G6PC1: variants seen among roughly 807,000 people sequenced by gnomAD.
G6PC1 encodes the protein glucose-6-phosphatase catalytic subunit 1.
Under a neutral mutation model 30.4 loss-of-function variants are expected in G6PC1, and 23 were observed. The observed-to-expected ratio is 0.76, with a 90% CI of 0.55 to 1.07. G6PC1 has a LOEUF of 1.07. Among genes scored for constraint, G6PC1 ranks in the 50% least tolerant of loss-of-function variants. The probability of loss-of-function intolerance (pLI) is 0.00; values close to 1 mark genes in which losing one functional copy is unlikely to be tolerated. For synonymous variants in G6PC1, 163 were observed against 175.6 expected, an observed-to-expected ratio of 0.93 and a Z score of 0.57; for missense variants, 391 against 433.9, an observed-to-expected ratio of 0.90 and a Z score of 0.88.
intron 4 of G6PC1, 152 bp from the exon 5 acceptor site, chr17:42,910,763 T>C: frequency 8.1e-6 from 6 of 737,736 alleles, no homozygotes; most frequent in South Asian, 7.7e-5. Context: ...GAGTCACACA[T>C]GGGAATAAGC....
In G6PC1 at chr17:42,911,282, C is replaced by T. The variant is rs1454392916; in HGVS notation, c.930C>T (p.Asp310=). 1 of 1,614,222 alleles carries T rather than the reference C, an allele frequency of 6.2e-7. No homozygotes were observed. The change falls in exon 5 of 5, where the codon GAC becomes GAT. Residue 310 remains aspartate (D), a synonymous_variant. Transcript: ENST00000253801. ...VASLVLLHVF[D]SLKPPSQVEL... ...CCCTCGTCCTCCTGCACGTCTTTGA[C>T]TCCTTGAAACCCCCATCCCAAGTCG...
intron 1 of G6PC1, among the ~76,000 whole-genome samples, chr17:42,901,543 GCGAAA>G (rs1434386694): frequency 2.0e-5 from 3 of 151,978 alleles, no homozygotes; most frequent in African/African-American, 7.3e-5. Flanking sequence ...GGGCAACATG[GCGAAA>G]CTCCATCTCT....
intron 3 of G6PC1, among the ~76,000 whole-genome samples, chr17:42,908,443 G>T (rs1447062105): frequency 4.2e-5 from 6 of 143,600 alleles, no homozygotes; most frequent in African/African-American, 1.6e-4. Context: ...ATCTCGCTCT[G>T]TTGCCCAGGC....
At chr17:42,910,852 C>T in intron 4 of G6PC1, 63 bp from the exon 5 acceptor site, 2 of 1,542,914 alleles carry the variant, frequency 1.3e-6, no homozygotes, top group Non-Finnish European at 1.8e-6. Flanking sequence ...CTCCTCCAAA[C>T]CCACCTCTAG....
At chr17:42,910,642 G>A (rs747739933) in intron 4 of G6PC1, among the ~76,000 whole-genome samples, 5 of 152,118 alleles carry the variant, frequency 3.3e-5, no homozygotes, top group Non-Finnish European at 7.4e-5. Flanking sequence ...TACCTCTGAG[G>A]GTATTTCAAG....
rs779105509 is a variant in G6PC1 at position 42,911,369 on chromosome 17, TGTC to T, written c.1018_1020del (p.Val340del). On this transcript the variant is annotated inframe_deletion, in exon 5 of 5. Coordinates refer to ENST00000253801, the MANE Select transcript of G6PC1 (RefSeq NM_000151.4). The stretch of plus-strand genomic sequence containing the variant: ...CGGTAGTGCCCCTGGCATCCGTCAG[TGTC>T]ATCCCCTACTGCCTCGCCCAGGTCC... 1.9e-6 allele frequency: 3 copies of T among 1,614,068 alleles called. No homozygotes were observed. The Admixed American group carries it at 5.0e-5, about 27-fold the overall frequency.
intron 2 of G6PC1, among the ~76,000 whole-genome samples, chr17:42,905,415 G>GAAAAA (rs1241281428): frequency 2.0e-5 from 1 of 48,934 alleles, no homozygotes; most frequent in African/African-American, 8.8e-5. Flanking sequence ...GACACCATCT[G>GAAAAA]AAAAAAAAAA....
chr17:42,903,655 G>A (rs2056040932), intron 1 of G6PC1, among the ~76,000 whole-genome samples: 2 of 151,900 alleles, frequency 1.3e-5, no homozygotes, highest in South Asian at 4.2e-4. Flanking sequence ...ACAATGAGCC[G>A]AGATTGCGCC....
rs1597992912 is a variant in G6PC1, at chr17:42,914,000, G to C, written c.*2574G>C. Among the ~76,000 whole-genome samples the C allele has an allele frequency of 1.3e-5, 2 of 152,282 alleles. No individual in the cohort carries two copies. Among genetic ancestry groups the C allele is most frequent in the East Asian group, 3.9e-4 (2 of 5,192 alleles). ...CTCCGGAGTCTGTATATTCAGGGAA[G>C]ATTGCATTCTCCTACTGGATTTGGG... On this transcript the variant is annotated 3_prime_UTR_variant, in exon 5 of 5. Coordinates refer to ENST00000253801, the MANE Select transcript of G6PC1 (RefSeq NM_000151.4).
intron 3 of G6PC1, 55 bp downstream of exon 3, chr17:42,907,683 G>C (rs527336983): frequency 2.5e-6 from 3 of 1,203,164 alleles, no homozygotes; most frequent in Non-Finnish European, 3.7e-6. Context: ...AGCTCTCTCT[G>C]TAGCTGACAC....
Position 42,913,771 on chromosome 17 carries a change from G to T in G6PC1, c.*2345G>T, listed in dbSNP as rs2056110606. ...GCCAGCTCTGGAATCCAGTAACTCAGTGTCAGCAAGGTTTTGGGTTATAGT... is the reference window on the plus strand; with the variant it reads ...GCCAGCTCTGGAATCCAGTAACTCATTGTCAGCAAGGTTTTGGGTTATAGT... On this transcript the variant is annotated 3_prime_UTR_variant, in exon 5 of 5. Coordinates refer to ENST00000253801, the MANE Select transcript of G6PC1 (RefSeq NM_000151.4). 6.6e-6 allele frequency among the ~76,000 whole-genome samples: 1 copy of T among 152,204 alleles called. No homozygotes were observed. Among genetic ancestry groups the T allele is most frequent in the South Asian group, 2.1e-4 (1 of 4,836 alleles).
Position 42,913,665 on chromosome 17 carries a change from G to A in G6PC1, c.*2239G>A, listed in dbSNP as rs1322893137. ...ATGAGTTGCTCTATGGCATCAAATT[G>A]CAACTTGAGAGTAGATGGGCAGGGT... On this transcript the variant is annotated 3_prime_UTR_variant, in exon 5 of 5. Transcript: ENST00000253801. 6.6e-6 allele frequency among the ~76,000 whole-genome samples: 1 copy of A among 152,166 alleles called. No homozygotes were observed. The highest frequency in any genetic ancestry group is 1.5e-5 in the Non-Finnish European group (1 of 68,044).
In G6PC1 at chr17:42,902,886, G is replaced by C. The variant is rs576029247; in HGVS notation, c.231-1045G>C. ...GGAAATGCAGGCCATGTTTCCCTGG[G>C]GGGGGCTCGTCCTAGGGGCTGGAGT... On this transcript the variant is annotated intron_variant, in intron 1 of 4. Coordinates refer to ENST00000253801, the MANE Select transcript of G6PC1 (RefSeq NM_000151.4). Among the ~76,000 whole-genome samples, 7 of 152,210 alleles carry C rather than the reference G, an allele frequency of 4.6e-5. No individual in the cohort carries two copies. In the East Asian group the frequency reaches 7.7e-4, roughly 17 times the overall value.
rs1307290740 is a variant in G6PC1, at chr17:42,913,353, T to C, written c.*1927T>C. ...ATAAAGTCTTGTTAATTACTATATT[T>C]TAGATGCAATGTGATCTGAAGTTTC... On this transcript the variant is annotated 3_prime_UTR_variant, in exon 5 of 5. Coordinates refer to ENST00000253801, the MANE Select transcript of G6PC1 (RefSeq NM_000151.4). The C allele has an allele frequency of 6.6e-6, 1 of 152,248 alleles. No individual in the cohort carries two copies. The highest frequency in any genetic ancestry group is 1.5e-5 in the Non-Finnish European group (1 of 68,050). The allele number at this position is 152,248 out of a possible 1,614,324, so 9.4% of individuals were successfully genotyped here.
intron 3 of G6PC1, among the ~76,000 whole-genome samples, chr17:42,908,629 A>C (rs1234788150): frequency 3.7e-5 from 5 of 136,356 alleles, no homozygotes; most frequent in Admixed American, 1.5e-4. Context: ...CTGGTCTTGA[A>C]CTCCTGACCT....
intron 1 of G6PC1, among the ~76,000 whole-genome samples, chr17:42,902,201 A>G (rs1340919192): frequency 6.6e-6 from 1 of 152,122 alleles, no homozygotes; most frequent in African/African-American, 2.4e-5. Flanking sequence ...GCATTTGCCA[A>G]TTTCTATCAC....
intron 1 of G6PC1, among the ~76,000 whole-genome samples, chr17:42,902,299 G>T (rs1360917539): frequency 6.6e-6 from 1 of 152,138 alleles, no homozygotes; most frequent in East Asian, 1.9e-4. Context: ...CCTGGCTGGA[G>T]TGCAATGGTG....
intron 2 of G6PC1, among the ~76,000 whole-genome samples, chr17:42,905,441 TATACACACACAC>T (rs1310991511): frequency 1.9e-5 from 2 of 103,264 alleles, no homozygotes; most frequent in African/African-American, 9.2e-5. Context: ...TATATATATA[TATACACACACAC>T]ACACACACAC....
chr17:42,904,699 A>G (rs2056047816), intron 2 of G6PC1, among the ~76,000 whole-genome samples: 1 of 152,192 alleles, frequency 6.6e-6, no homozygotes, highest in Admixed American at 6.6e-5. Context: ...ACTGGGAGCT[A>G]TACACTGTTC....
Sources: gnomAD v4.1 joint callset for allele counts (sites outside exome capture counted in the v4.1 genomes callset) on GRCh38, gnomAD v4.1.1 for gene constraint, MANE v1.5 for transcripts, NCBI Gene and HGNC (gene_info 2026-07-23, HGNC 2026-07-21) for gene names.